The following DLG2 variants were observed in gnomAD, a reference collection of about 807,000 sequenced individuals.
The protein encoded by DLG2 is discs large MAGUK scaffold protein 2, also known as disks large homolog 2.
In DLG2, 45 loss-of-function variants were observed where a neutral mutation model predicts 132.5. The ratio of observed to expected loss-of-function variants is 0.34; its 90% CI spans 0.27 to 0.44. The LOEUF is 0.44. DLG2 is among the 20% of genes least tolerant of loss of function. The probability of loss-of-function intolerance (pLI) is 1.00; values close to 1 mark genes in which losing one functional copy is unlikely to be tolerated. For missense variants in DLG2, 1,045 were observed against 1,196.9 expected, an observed-to-expected ratio of 0.87 and a Z score of 1.87; for synonymous variants, 424 against 419.6, an observed-to-expected ratio of 1.01 and a Z score of -0.13.
At chr11:85,099,843 A>T (rs1414125069) in intron 6 of DLG2, among the ~76,000 whole-genome samples, 1 of 152,188 alleles carries the variant, frequency 6.6e-6, no homozygotes, top group Non-Finnish European at 1.5e-5. Context: ...TTCACAAGAC[A>T]TTCACCTACT....
chr11:84,371,623 AC>A (rs764656107), intron 7 of DLG2, among the ~76,000 whole-genome samples: 1 of 152,146 alleles, frequency 6.6e-6, no homozygotes, highest in Non-Finnish European at 1.5e-5. Context: ...AGATCAATTA[AC>A]ATTTTAAAAT....
At chr11:85,049,272 T>A (rs957792692) in intron 6 of DLG2, among the ~76,000 whole-genome samples, 1 of 151,994 alleles carries the variant, frequency 6.6e-6, no homozygotes, top group African/African-American at 2.4e-5. Flanking sequence ...ATAAGCCCCC[T>A]TGGCAAAAGG....
At chr11:83,943,090 T>C (rs1432786076) in intron 14 of DLG2, among the ~76,000 whole-genome samples, 1 of 152,202 alleles carries the variant, frequency 6.6e-6, no homozygotes, top group African/African-American at 2.4e-5. Flanking sequence ...TCTGCCATGA[T>C]TGTGAGGCTT....
At chr11:84,466,533 A>G (rs952338049) in intron 7 of DLG2, among the ~76,000 whole-genome samples, 2 of 151,324 alleles carry the variant, frequency 1.3e-5, no homozygotes, top group African/African-American at 4.8e-5. Context: ...TCCCAAACAT[A>G]TGAAAAGATG....
At chr11:83,816,495 T>G (rs76178784) in intron 17 of DLG2, among the ~76,000 whole-genome samples, 5,131 of 152,102 alleles carry the variant, frequency 0.034, 291 homozygotes, top group African/African-American at 0.12. Flanking sequence ...AACCTCAGTT[T>G]TTTTTCACTG....
At chr11:84,995,404 A>T (rs190875835) in intron 6 of DLG2, among the ~76,000 whole-genome samples, 4 of 152,298 alleles carry the variant, frequency 2.6e-5, no homozygotes, top group African/African-American at 9.6e-5. Context: ...GAGGATTAGT[A>T]AATCAATTAA....
Position 85,122,897 on chromosome 11 carries a change from TAC to T in DLG2, c.283-11164_283-11163del, listed in dbSNP as rs1396379117. ...ATATATATGTATATTTATACACATA[TAC>T]ACACACATATTTATACACACACATG... On this transcript the variant is annotated intron_variant, in intron 5 of 27. Coordinates refer to ENST00000376104, the MANE Select transcript of DLG2 (RefSeq NM_001142699.3). 4.4e-4 allele frequency among the ~76,000 whole-genome samples: 63 copies of T among 143,504 alleles called. 1 individual carries two copies. The highest frequency in any genetic ancestry group is 1.2e-3 in the African/African-American group (46 of 38,794). 94.1% of individuals were successfully genotyped at this position (143,504 alleles called of 152,430 possible).
At chr11:85,485,535 C>A (rs1020629869) in intron 3 of DLG2, among the ~76,000 whole-genome samples, 1 of 151,964 alleles carries the variant, frequency 6.6e-6, no homozygotes, top group Non-Finnish European at 1.5e-5. Flanking sequence ...GACTTAGATT[C>A]AACAAAGAAG....
At chr11:84,896,792 A>G (rs754458432) in intron 6 of DLG2, among the ~76,000 whole-genome samples, 1 of 151,932 alleles carries the variant, frequency 6.6e-6, no homozygotes, top group Non-Finnish European at 1.5e-5. Context: ...TAATTGTTCT[A>G]TTTTATTAAT....
chr11:84,050,962 G>A (rs2096363695), intron 11 of DLG2, among the ~76,000 whole-genome samples: 1 of 151,834 alleles, frequency 6.6e-6, no homozygotes, highest in African/African-American at 2.4e-5. Context: ...GATGCCTCCA[G>A]CTTTGTTCTT....
intron 6 of DLG2, among the ~76,000 whole-genome samples, chr11:84,541,775 C>T (rs1265371648): frequency 2.0e-5 from 3 of 152,096 alleles, no homozygotes; most frequent in Admixed American, 6.6e-5. Context: ...TGAGCTTGCA[C>T]GCAGTTATAC....
At chr11:84,051,167 C>G (rs1251593176) in intron 11 of DLG2, among the ~76,000 whole-genome samples, 1 of 151,960 alleles carries the variant, frequency 6.6e-6, no homozygotes, top group South Asian at 2.1e-4. Flanking sequence ...CACTTTTACA[C>G]TGTTGGTGGG....
At chr11:83,482,768 A>C (rs921978279) in intron 22 of DLG2, among the ~76,000 whole-genome samples, 1 of 152,180 alleles carries the variant, frequency 6.6e-6, no homozygotes, top group African/African-American at 2.4e-5. Flanking sequence ...CCTTTTGACT[A>C]CGAAACAGCT....
At chr11:83,559,586 T>A (rs2096576262) in intron 19 of DLG2, among the ~76,000 whole-genome samples, 1 of 152,182 alleles carries the variant, frequency 6.6e-6, no homozygotes, top group Admixed American at 6.5e-5. Context: ...CATTTATCCT[T>A]CTCTCTCAAA....
chr11:84,520,500 T>C (rs1285954594), intron 7 of DLG2, among the ~76,000 whole-genome samples: 1 of 152,198 alleles, frequency 6.6e-6, no homozygotes, highest in African/African-American at 2.4e-5. Flanking sequence ...TCCATTAATG[T>C]AGCCTAAAAT....
chr11:84,290,985 A>G (rs1473680115), intron 7 of DLG2, among the ~76,000 whole-genome samples: 1 of 152,034 alleles, frequency 6.6e-6, no homozygotes, highest in Non-Finnish European at 1.5e-5. Context: ...AGATGTCTAG[A>G]AAAAAAATGC....
At chr11:83,741,256 C>T (rs563884692) in intron 18 of DLG2, among the ~76,000 whole-genome samples, 43 of 152,176 alleles carry the variant, frequency 2.8e-4, no homozygotes, top group East Asian at 5.8e-4. Flanking sequence ...GACAAGGATG[C>T]CCACTCTCAC....
intron 21 of DLG2, among the ~76,000 whole-genome samples, chr11:83,520,646 GA>G: frequency 6.8e-6 from 1 of 147,252 alleles, no homozygotes; most frequent in African/African-American, 2.7e-5. Flanking sequence ...TAGGTAGATA[GA>G]TAGATAGATA....
intron 4 of DLG2, among the ~76,000 whole-genome samples, chr11:85,248,072 G>C (rs1430317023): frequency 6.6e-6 from 1 of 151,980 alleles, no homozygotes; most frequent in African/African-American, 2.4e-5. Context: ...ATGTAGACTG[G>C]TTGCATACTC....
Sources: allele counts gnomAD v4.1 joint callset (sites outside exome capture counted in the v4.1 genomes callset), GRCh38; gene constraint gnomAD v4.1.1; transcripts MANE v1.5; gene names NCBI Gene and HGNC (gene_info 2026-07-23, HGNC 2026-07-21).